The following KDELR2 variants were observed in gnomAD, a reference collection of about 807,000 sequenced individuals.
KDELR2 encodes the protein ER lumen protein-retaining receptor 2.
Under a neutral mutation model 23.9 loss-of-function variants are expected in KDELR2, and 15 were observed. That is an observed-to-expected ratio of 0.63 (90% CI 0.42 to 0.97). The LOEUF (loss-of-function observed/expected upper bound fraction) is 0.97. Among genes scored for constraint, KDELR2 ranks in the 50% least tolerant of loss-of-function variants. The pLI, the probability that KDELR2 is intolerant of heterozygous loss-of-function variation, is 0.00. For missense variants in KDELR2, 272 were observed against 254.6 expected, an observed-to-expected ratio of 1.07 and a Z score of -0.46; for synonymous variants, 119 against 106.2, an observed-to-expected ratio of 1.12 and a Z score of -0.74.
rs533785271 is a variant in KDELR2 at position 6,463,057 on chromosome 7, G to T, written c.*84C>A. 1.9e-6 allele frequency: 3 copies of T among 1,614,098 alleles called. No homozygotes were observed. Among genetic ancestry groups the T allele is most frequent in the East Asian group, 2.2e-5 (1 of 44,884 alleles). ...AAAAGAGTTAAGTTTCTGATTTTCC[G>T]TATCAAGCATCTTATGCCTTTGCTG... is the stretch of plus-strand genomic sequence containing the variant. On this transcript the variant is annotated 3_prime_UTR_variant, in exon 5 of 5. Coordinates refer to ENST00000258739, the MANE Select transcript of KDELR2 (RefSeq NM_006854.4).
rs1288451210 is a variant in KDELR2, at chr7:6,461,931, C to A, written c.*1210G>T. The A allele has an allele frequency of 6.6e-6, 1 of 152,072 alleles. No individual in the cohort carries two copies. The highest frequency in any genetic ancestry group is 2.4e-5 in the African/African-American group (1 of 41,406). 9.4% of individuals were successfully genotyped at this position (152,072 alleles called of 1,614,324 possible). A position where few individuals can be genotyped will look rare whatever the true frequency, so the allele number is the denominator to read the frequency against. On this transcript the variant is annotated 3_prime_UTR_variant, in exon 5 of 5. Transcript: ENST00000258739. ...AGATGATTATGTGAACTTTAAATGT[C>A]TGCAGCCCTACAGAGCTTTTGTTGC...
At position 6,461,893 on chromosome 7, in the gene KDELR2, C is replaced by T. The variant is rs1785395609; in HGVS notation, c.*1248G>A. 6.6e-6 allele frequency: 1 copy of T among 152,024 alleles called. No homozygotes were observed. Among genetic ancestry groups the T allele is most frequent in the Non-Finnish European group, 1.5e-5 (1 of 67,996 alleles). The allele number at this position is 152,024 out of a possible 1,614,324, so 9.4% of individuals were successfully genotyped here. ...AAAATTCTAGTATTTCCACAAAATA[C>T]ATAATGTCTTACAGATGATTATGTG... On this transcript the variant is annotated 3_prime_UTR_variant, in exon 5 of 5. Transcript: ENST00000258739.
chr7:6,479,572 GT>G (rs1785842849), intron 1 of KDELR2, among the ~76,000 whole-genome samples: 1 of 152,126 alleles, frequency 6.6e-6, no homozygotes, highest in Non-Finnish European at 1.5e-5. Flanking sequence ...CACCTCTCGG[GT>G]TCATGCCATT....
At chr7:6,469,560 C>T (rs761794729) in intron 3 of KDELR2, 36 bp downstream of exon 3, 17 of 1,594,172 alleles carry the variant, frequency 1.1e-5, no homozygotes, top group South Asian at 1.0e-4. Context: ...AGGCATGAGC[C>T]ACCATGCCTG....
intron 2 of KDELR2, among the ~76,000 whole-genome samples, chr7:6,471,174 C>T (rs138071929): frequency 0.032 from 3,808 of 119,130 alleles, 182 homozygotes; most frequent in East Asian, 0.21. Context: ...ACATTTGTTT[C>T]GGTTTTTTTT....
At chr7:6,478,970 T>C (rs1270562475) in intron 1 of KDELR2, among the ~76,000 whole-genome samples, 2 of 151,930 alleles carry the variant, frequency 1.3e-5, no homozygotes. Context: ...TTTGTAATTT[T>C]AGTAGAGATG....
chr7:6,473,760 G>A (rs931680387), intron 2 of KDELR2, among the ~76,000 whole-genome samples: 3 of 152,184 alleles, frequency 2.0e-5, no homozygotes, highest in Non-Finnish European at 2.9e-5. Context: ...TCCTCACACA[G>A]CAGCGAAATG....
intron 4 of KDELR2, among the ~76,000 whole-genome samples, chr7:6,464,981 C>T (rs975954388): frequency 1.3e-5 from 2 of 151,780 alleles, no homozygotes; most frequent in Non-Finnish European, 2.9e-5. Context: ...GACGATCCAC[C>T]CATCTCGGCC....
chr7:6,471,303 TC>T (rs1785635346), intron 2 of KDELR2, among the ~76,000 whole-genome samples: 1 of 139,246 alleles, frequency 7.2e-6, no homozygotes, highest in South Asian at 2.5e-4. Flanking sequence ...TGCCTCAACC[TC>T]CCAAGTAGCT....
At chr7:6,474,876 G>GGGC in intron 1 of KDELR2, among the ~76,000 whole-genome samples, 1 of 152,132 alleles carries the variant, frequency 6.6e-6, no homozygotes, top group South Asian at 2.1e-4. Flanking sequence ...CACTGGTCTT[G>GGGC]AACTCCTGGG....
intron 4 of KDELR2, among the ~76,000 whole-genome samples, chr7:6,465,092 T>TTA (rs1249304957): frequency 1.6e-5 from 1 of 62,636 alleles, no homozygotes; most frequent in Non-Finnish European, 5.3e-5. Flanking sequence ...TATAGCTGGA[T>TTA]TTTTAGCCTG....
chr7:6,466,103 T>G lies in KDELR2; in HGVS notation c.572A>C (p.Tyr191Ser), dbSNP rs760225978. 1.1e-5 allele frequency: 17 copies of G among 1,613,950 alleles called. No individual in the cohort carries two copies. The highest frequency in any genetic ancestry group is 1.6e-4 in the Middle Eastern group (1 of 6,062). The part of the protein sequence containing the change: ...VVAGVVQTIL[Y>S]CDFFYLYITK... Reference sequence around the variant, plus strand: ...AATGTACAAGTAGAAGAAGTCACAGTATAGGATGGTCTGGACTACGCCGGC... The same window carrying G: ...AATGTACAAGTAGAAGAAGTCACAGGATAGGATGGTCTGGACTACGCCGGC... Residue 191 changes from tyrosine (Y) to serine (S), a missense_variant, in exon 4 of 5, where the codon TAC becomes TCC. Coordinates refer to ENST00000258739, the MANE Select transcript of KDELR2 (RefSeq NM_006854.4).
intron 1 of KDELR2, among the ~76,000 whole-genome samples, chr7:6,475,657 T>C (rs1411631557): frequency 6.6e-6 from 1 of 152,172 alleles, no homozygotes; most frequent in Non-Finnish European, 1.5e-5. Context: ...TTATGTGGTG[T>C]GCACACAGCT....
At chr7:6,465,848 T>C (rs376804103) in intron 4 of KDELR2, among the ~76,000 whole-genome samples, 3 of 152,198 alleles carry the variant, frequency 2.0e-5, no homozygotes, top group Admixed American at 2.0e-4. Flanking sequence ...CAGATGAATC[T>C]TTTACAGTGA....
Position 6,483,406 on chromosome 7 carries a change from C to T in KDELR2, c.91+561G>A, listed in dbSNP as rs541592394. 3.3e-5 allele frequency among the ~76,000 whole-genome samples: 5 copies of T among 152,340 alleles called. No homozygotes were observed. In the South Asian group the frequency reaches 8.3e-4, roughly 25 times the overall value. ...CACAACACTTAAGGACAGGTCTGAC[C>T]CGACCCCACTACACCACACCTAGAG... On this transcript the variant is annotated intron_variant, in intron 1 of 4. Coordinates refer to ENST00000258739, the MANE Select transcript of KDELR2 (RefSeq NM_006854.4).
rs746440552 is a variant in KDELR2, at chr7:6,474,271, T to C, written c.105A>G (p.Lys35=). 1.3e-5 allele frequency: 21 copies of C among 1,612,680 alleles called. No individual in the cohort carries two copies. The highest frequency in any genetic ancestry group is 1.7e-5 in the Non-Finnish European group (20 of 1,178,832). Residue 35 remains lysine (K), a synonymous_variant, in exon 2 of 5, where the codon AAA becomes AAG. Transcript: ENST00000258739. ...KTRSCAGISG[K]SQLLFALVFT... ...AGACCAGTGCAAACAGAAGCTGGCT[T>C]TTCCCAGAAATACCTAGAGAAACAG... is the stretch of plus-strand genomic sequence containing the variant.
rs377035875 is a variant in KDELR2, at chr7:6,474,331, G to A, written c.92-47C>T. 4 of 1,282,760 alleles carry A rather than the reference G, an allele frequency of 3.1e-6. No individual in the cohort carries two copies. The South Asian group carries it at 3.6e-5, about 11-fold the overall frequency. 79.5% of individuals were successfully genotyped at this position (1,282,760 alleles called of 1,614,324 possible). A position where few individuals can be genotyped will look rare whatever the true frequency, so the allele number is the denominator to read the frequency against. ...ATTAGAAGGGCCTGAAGAGCTTTGG[G>A]ATTCCTGTGGATCACACTGTGCAGG... On this transcript the variant is annotated intron_variant, in intron 1 of 4. Coordinates refer to ENST00000258739, the MANE Select transcript of KDELR2 (RefSeq NM_006854.4).
Position 6,484,057 on chromosome 7 carries a change from T to TGGC in KDELR2, c.-3_-1dup, listed in dbSNP as rs757547920. The TGGC allele has an allele frequency of 2.0e-3, 3,034 of 1,502,540 alleles. 48 individuals are homozygous for TGGC. The African/African-American group carries it at 0.039, about 19-fold the overall frequency. 93.1% of individuals were successfully genotyped at this position (1,502,540 alleles called of 1,614,324 possible). On this transcript the variant is annotated 5_prime_UTR_variant, in exon 1 of 5. Transcript: ENST00000258739. ...TCCCCAGTCAGCCGGAAAATGTTCATGGCGGCGGCGGCGGTGGCGGTCGGC... is the reference window on the plus strand; with the variant it reads ...TCCCCAGTCAGCCGGAAAATGTTCATGGCGGCGGCGGCGGCGGTGGCGGTCGGC...
intron 2 of KDELR2, among the ~76,000 whole-genome samples, chr7:6,471,267 C>T (rs1484651093): frequency 2.0e-4 from 29 of 147,116 alleles, no homozygotes; most frequent in African/African-American, 7.0e-4. Context: ...CTGCAACCTC[C>T]GCCTCCCAGG....
Sources: allele counts gnomAD v4.1 joint callset (sites outside exome capture counted in the v4.1 genomes callset), GRCh38; gene constraint gnomAD v4.1.1; transcripts MANE v1.5; gene names NCBI Gene and HGNC (gene_info 2026-07-23, HGNC 2026-07-21).